RAB3GAP2: variants seen among roughly 807,000 people sequenced by gnomAD.
RAB3GAP2 encodes rab3 GTPase-activating protein non-catalytic subunit.
Under a neutral mutation model 185.3 loss-of-function variants are expected in RAB3GAP2, and 87 were observed. That is an observed-to-expected ratio of 0.47 (90% confidence interval 0.39 to 0.56). RAB3GAP2 has a LOEUF of 0.56. Among genes scored for constraint, RAB3GAP2 ranks in the 20% least tolerant of loss-of-function variants. RAB3GAP2 has a pLI of 0.00. For missense variants in RAB3GAP2, 1,492 were observed against 1,638.2 expected, an observed-to-expected ratio of 0.91 and a Z score of 1.54; for synonymous variants, 554 against 576.1, an observed-to-expected ratio of 0.96 and a Z score of 0.55.
chr1:220,175,601 A>G (rs1261777195), intron 21 of RAB3GAP2, among the ~76,000 whole-genome samples: 2 of 152,196 alleles, frequency 1.3e-5, no homozygotes, highest in African/African-American at 4.8e-5. Flanking sequence ...AAGTTTCAAA[A>G]TGCTCATCAA....
chr1:220,248,654 A>C (rs1324325794), intron 1 of RAB3GAP2, among the ~76,000 whole-genome samples: 3 of 152,034 alleles, frequency 2.0e-5, no homozygotes, highest in Non-Finnish European at 4.4e-5. Context: ...AATGGGAAGA[A>C]AAATGTATAA....
chr1:220,258,984 T>C (rs1660085122), intron 1 of RAB3GAP2, among the ~76,000 whole-genome samples: 1 of 152,148 alleles, frequency 6.6e-6, no homozygotes, highest in African/African-American at 2.4e-5. Context: ...CATTCATGAC[T>C]GCTACAAAAA....
chr1:220,155,641 A>C (rs1657843451), intron 31 of RAB3GAP2, among the ~76,000 whole-genome samples: 1 of 152,192 alleles, frequency 6.6e-6, no homozygotes, highest in African/African-American at 2.4e-5. Flanking sequence ...GAGAAAACTG[A>C]GAGTAAGAAA....
chr1:220,217,671 A>G (rs1659223987), intron 2 of RAB3GAP2, among the ~76,000 whole-genome samples: 1 of 152,178 alleles, frequency 6.6e-6, no homozygotes. Flanking sequence ...AAATAACAGC[A>G]TTCCCTATCT....
intron 1 of RAB3GAP2, among the ~76,000 whole-genome samples, chr1:220,261,083 G>A (rs908571992): frequency 1.3e-5 from 2 of 151,998 alleles, no homozygotes; most frequent in African/African-American, 4.8e-5. Context: ...AAAAAAGGGG[G>A]GGCAATGTGG....
In RAB3GAP2 at chr1:220,210,435, T is replaced by C; in HGVS notation, c.565A>G (p.Lys189Glu). 1 of 1,614,124 alleles carries C rather than the reference T, an allele frequency of 6.2e-7. No homozygotes were observed. Among genetic ancestry groups the C allele is most frequent in the Admixed American group, 1.7e-5 (1 of 60,014 alleles). ...LLNEDPVLQL[K>E]CRTYEIPRHP... Reference sequence around the variant, plus strand: ...CGTGGTATTTCATAGGTTCTGCATTTAAGTTGAAGTACTGGGTCCTCATTC... The same window carrying C: ...CGTGGTATTTCATAGGTTCTGCATTCAAGTTGAAGTACTGGGTCCTCATTC... The change falls in exon 7 of 35, where the codon AAA becomes GAA. Residue 189 changes from lysine to glutamate, a missense_variant. Around this residue, in one of 5 missense-constraint regions of RAB3GAP2, gnomAD observed 243 missense variants for 314.8 expected, o/e 0.77. Transcript: ENST00000358951.
At chr1:220,258,071 T>C (rs1431173221) in intron 1 of RAB3GAP2, among the ~76,000 whole-genome samples, 2 of 152,120 alleles carry the variant, frequency 1.3e-5, no homozygotes, top group African/African-American at 4.8e-5. Context: ...AACAGACCAG[T>C]AATGAATTCT....
Position 220,253,345 on chromosome 1 carries a change from C to T in RAB3GAP2, c.115+18878G>A, listed in dbSNP as rs1042971455. ...GTTTTGTGGCCTTCACTGGTGATAC[C>T]TCCAGGTACAGGAGAAACTGAGGCA... is the stretch of plus-strand genomic sequence containing the variant. On this transcript the variant is annotated intron_variant, in intron 1 of 34. Transcript: ENST00000358951. 2.0e-5 allele frequency among the ~76,000 whole-genome samples: 3 copies of T among 152,190 alleles called. No homozygotes were observed. In the East Asian group the frequency reaches 5.8e-4, roughly 29 times the overall value.
At chr1:220,168,011 C>T (rs1024029388) in intron 24 of RAB3GAP2, among the ~76,000 whole-genome samples, 2 of 152,156 alleles carry the variant, frequency 1.3e-5, no homozygotes, top group Non-Finnish European at 2.9e-5. Flanking sequence ...ATACTTAAAA[C>T]ACTTTTACTT....
Position 220,190,088 on chromosome 1 carries a change from G to A in RAB3GAP2, c.1690C>T (p.Leu564=). 1 of 1,613,220 alleles carries A rather than the reference G, an allele frequency of 6.2e-7. No homozygotes were observed. The change falls in exon 16 of 35, where the codon CTG becomes TTG. Residue 564 remains leucine, a synonymous_variant. Coordinates refer to ENST00000358951, the MANE Select transcript of RAB3GAP2 (RefSeq NM_012414.4). ...MHLVKKLAAL[L]KTKSPNLDLV... ...CCAAGATTGGGAGATTTTGTTTTCA[G>A]TAAGGCTGCTAGTTTCTTCACTAGG...
intron 1 of RAB3GAP2, among the ~76,000 whole-genome samples, chr1:220,243,122 A>AG (rs1163872734): frequency 6.6e-6 from 1 of 152,062 alleles, no homozygotes; most frequent in South Asian, 2.1e-4. Flanking sequence ...TGGGAGGCCG[A>AG]GGGGGGCGGA....
At chr1:220,272,153 G>C in intron 1 of RAB3GAP2, 70 bp downstream of exon 1, 1 of 1,305,462 alleles carries the variant, frequency 7.7e-7, no homozygotes, top group Non-Finnish European at 1.1e-6. Flanking sequence ...GAGCGAGTAG[G>C]AGACTCGAAC....
chr1:220,267,350 G>A (rs1312743407), intron 1 of RAB3GAP2: 5 of 1,125,952 alleles, frequency 4.4e-6, no homozygotes, highest in South Asian at 1.2e-5. Context: ...ATATTAGGAT[G>A]TTGGAGGTGG....
At chr1:220,236,675 A>G (rs965742619) in intron 1 of RAB3GAP2, among the ~76,000 whole-genome samples, 4 of 144,492 alleles carry the variant, frequency 2.8e-5, no homozygotes, top group African/African-American at 1.0e-4. Flanking sequence ...CATTCTTTAG[A>G]AAAAAAAAAA....
chr1:220,157,923 A>G (rs961086650), intron 29 of RAB3GAP2, 47 bp from the exon 30 acceptor site: 1 of 1,435,542 alleles, frequency 7.0e-7, no homozygotes, highest in Non-Finnish European at 9.8e-7. Flanking sequence ...GAAAACTGCT[A>G]TAGTTACTGT....
At chr1:220,255,113 T>C (rs1391140908) in intron 1 of RAB3GAP2, among the ~76,000 whole-genome samples, 5 of 152,084 alleles carry the variant, frequency 3.3e-5, no homozygotes, top group African/African-American at 1.2e-4. Context: ...ACATGATAGA[T>C]GCAATGCACT....
At chr1:220,152,892 A>C (rs1229835966) in intron 33 of RAB3GAP2, among the ~76,000 whole-genome samples, 1 of 152,060 alleles carries the variant, frequency 6.6e-6, no homozygotes, top group African/African-American at 2.4e-5. Flanking sequence ...CATTCAATGC[A>C]AAATTTAGCA....
At chr1:220,206,097 A>C in intron 7 of RAB3GAP2, 91 bp from the exon 8 acceptor site, 1 of 804,772 alleles carries the variant, frequency 1.2e-6, no homozygotes, top group South Asian at 1.6e-5. Flanking sequence ...AATGTAACAT[A>C]ACCACCCAAC....
At chr1:220,214,009 G>A (rs772662316) in intron 2 of RAB3GAP2, 30 bp from the exon 3 acceptor site, 4 of 1,610,354 alleles carry the variant, frequency 2.5e-6, no homozygotes, top group Middle Eastern at 3.3e-4. Flanking sequence ...TACTGCATAT[G>A]CAAAAATACC....
Sources: gnomAD v4.1 joint callset for allele counts (sites outside exome capture counted in the v4.1 genomes callset) on GRCh38, gnomAD v4.1.1 for gene constraint, gnomAD v4.1.1 regional missense constraint, MANE v1.5 for transcripts, NCBI Gene and HGNC (gene_info 2026-07-23, HGNC 2026-07-21) for gene names.